MTTP: variants seen among roughly 807,000 people sequenced by gnomAD.
The protein encoded by MTTP is microsomal triglyceride transfer protein.
A neutral mutation model predicts 90.6 loss-of-function variants in MTTP; 49 were observed. The observed-to-expected ratio is 0.54, with a 90% CI of 0.43 to 0.69. MTTP has a LOEUF of 0.69. Ranked by LOEUF, MTTP falls within the 30% of genes least tolerant of loss-of-function variation. MTTP has a pLI of 0.00. For synonymous variants in MTTP, 347 were observed against 384.2 expected, an observed-to-expected ratio of 0.90 and a Z score of 1.13; for missense variants, 945 against 1,067.5, an observed-to-expected ratio of 0.89 and a Z score of 1.60.
At chr4:99,564,339 T>C in intron 1 of MTTP, 1 of 1,094,042 alleles carries the variant, frequency 9.1e-7, no homozygotes, top group East Asian at 2.6e-5. Context: ...GAGAAAAACA[T>C]CTCTTGCCTA....
intron 17 of MTTP, among the ~76,000 whole-genome samples, chr4:99,622,414 C>T (rs1003312123): frequency 5.3e-5 from 8 of 152,132 alleles, no homozygotes; most frequent in Non-Finnish European, 1.0e-4. Flanking sequence ...AATGGCATCA[C>T]CAAAAAGCTG....
rs1170313189 is a variant in MTTP, at chr4:99,613,085, C to T, written c.2162C>T (p.Ser721Phe). The T allele has an allele frequency of 1.9e-6, 3 of 1,613,964 alleles. No individual in the cohort carries two copies. The highest frequency in any genetic ancestry group is 1.7e-6 in the Non-Finnish European group (2 of 1,179,964). The change falls in exon 15 of 18, where the codon TCT becomes TTT. Residue 721 changes from serine (S) to phenylalanine (F), a missense_variant. Ser to Phe is a radical substitution (Grantham distance 155). Transcript: ENST00000265517. ...SDLMSKMLSA[S>F]GDPISVVKGL... ...TTGATGTCCAAAATGCTGTCAGCAT[C>T]TGGCGACCCTATCAGTGTGGTGAAA...
intron 15 of MTTP, among the ~76,000 whole-genome samples, chr4:99,617,569 G>C (rs1726128316): frequency 6.6e-6 from 1 of 152,084 alleles, no homozygotes; most frequent in African/African-American, 2.4e-5. Context: ...CGGTTGCCAG[G>C]AATTTAAGAT....
chr4:99,593,844 C>A (rs528137239), intron 6 of MTTP, among the ~76,000 whole-genome samples: 7 of 152,080 alleles, frequency 4.6e-5, no homozygotes, highest in Non-Finnish European at 8.8e-5. Context: ...ACTTATCAGG[C>A]CTATGAGATT....
At position 99,590,716 on chromosome 4, in the gene MTTP, A is replaced by G. The variant is rs561528920; in HGVS notation, c.502-519A>G. 3.0e-4 allele frequency among the ~76,000 whole-genome samples: 45 copies of G among 152,258 alleles called. 1 individual carries two copies. Among genetic ancestry groups the G allele is most frequent in the African/African-American group, 1.1e-3 (45 of 41,572 alleles). ...GAAGCTAGACAGAGTCTGTATTGGG[A>G]TACATTTGCCTAAACTCAAACTGAT... On this transcript the variant is annotated intron_variant, in intron 4 of 17. Transcript: ENST00000265517.
rs1188107071 is a variant in MTTP at position 99,597,230 on chromosome 4, T to A, written c.1067+6T>A. On this transcript the variant is annotated splice_donor_region_variant and intron_variant, in intron 8 of 17. Transcript: ENST00000265517. ...ATGGAAAATAAGGAAGTATTGTAAGTTCCCCAACCTTTGTGTGGGGTTGTC... is the reference window on the plus strand; with the variant it reads ...ATGGAAAATAAGGAAGTATTGTAAGATCCCCAACCTTTGTGTGGGGTTGTC... The A allele has an allele frequency of 6.2e-7, 1 of 1,612,246 alleles. No individual in the cohort carries two copies. Among genetic ancestry groups the A allele is most frequent in the Admixed American group, 1.7e-5 (1 of 59,978 alleles).
Position 99,611,323 on chromosome 4 carries a change from T to C in MTTP, c.1868-9T>C, listed in dbSNP as rs371847258. On this transcript the variant is annotated splice_polypyrimidine_tract_variant and intron_variant, in intron 13 of 17. Transcript: ENST00000265517. ...CTGCTATTAAATTACAGTTATTGTG[T>C]GTCATCAGGTAGTCCCCGTTCGGCA... 9.3e-6 allele frequency: 15 copies of C among 1,614,066 alleles called. No individual in the cohort carries two copies. The highest frequency in any genetic ancestry group is 4.4e-5 in the South Asian group (4 of 91,078).
intron 1 of MTTP, among the ~76,000 whole-genome samples, chr4:99,566,917 C>T (rs1327194317): frequency 6.6e-6 from 1 of 151,266 alleles, no homozygotes; most frequent in African/African-American, 2.4e-5. Flanking sequence ...AAGCTTAATT[C>T]TAAGTCTTAG....
At chr4:99,575,825 A>G (rs559794330) in intron 1 of MTTP, among the ~76,000 whole-genome samples, 1 of 152,366 alleles carries the variant, frequency 6.6e-6, no homozygotes, top group African/African-American at 2.4e-5. Flanking sequence ...ACCAATTGAT[A>G]TAACAACATA....
intron 2 of MTTP, 68 bp from the exon 3 acceptor site, chr4:99,583,306 T>G: frequency 1.3e-6 from 2 of 1,518,362 alleles, no homozygotes; most frequent in Non-Finnish European, 1.8e-6. Context: ...TCATTTTATT[T>G]TCAGAGATAC....
At chr4:99,616,109 C>A (rs1726093356) in intron 15 of MTTP, among the ~76,000 whole-genome samples, 1 of 152,026 alleles carries the variant, frequency 6.6e-6, no homozygotes, top group Admixed American at 6.6e-5. Flanking sequence ...AAGTCTTCAC[C>A]CAGGCCAGGT....
At chr4:99,611,892 C>A (rs1166219175) in intron 14 of MTTP, among the ~76,000 whole-genome samples, 1 of 151,944 alleles carries the variant, frequency 6.6e-6, no homozygotes, top group Non-Finnish European at 1.5e-5. Flanking sequence ...ATAATAAAAC[C>A]CTTCATAATA....
At position 99,597,710 on chromosome 4, in the gene MTTP, G is replaced by A. The variant is rs1054838146; in HGVS notation, c.1067+486G>A. Reference sequence around the variant, plus strand: ...TATGTAAAAAATTGAGAACTGAGGCGAATGGTGAAAAGAATCTGGAGAAAA... The same window carrying A: ...TATGTAAAAAATTGAGAACTGAGGCAAATGGTGAAAAGAATCTGGAGAAAA... On this transcript the variant is annotated intron_variant, in intron 8 of 17. Coordinates refer to ENST00000265517, the MANE Select transcript of MTTP (RefSeq NM_001386140.1). Among the ~76,000 whole-genome samples, 6 of 152,294 alleles carry A rather than the reference G, an allele frequency of 3.9e-5. 1 individual carries two copies. The highest frequency in any genetic ancestry group is 4.8e-5 in the African/African-American group (2 of 41,556).
chr4:99,564,169 T>A, exon 1 of MTTP: 1 of 1,535,514 alleles, frequency 6.5e-7, no homozygotes, highest in Non-Finnish European at 8.7e-7. Context: ...GTAGTTACAG[T>A]GATGTCTGTT....
rs1235583687 is a variant in MTTP at position 99,581,903 on chromosome 4, A to G, written c.62-2A>G. 1 of 1,614,006 alleles carries G rather than the reference A, an allele frequency of 6.2e-7. No individual in the cohort carries two copies. Among genetic ancestry groups the G allele is most frequent in the Admixed American group, 1.7e-5 (1 of 60,028 alleles). On this transcript the variant is annotated splice_acceptor_variant, in intron 1 of 17. Coordinates refer to ENST00000265517, the MANE Select transcript of MTTP (RefSeq NM_001386140.1). LOFTEE classifies it high-confidence loss of function. ...TGGATATGTGTCATTATCTTTATGCAGGTCACACAACTGGTCTCTCATTAA... is the reference window on the plus strand; with the variant it reads ...TGGATATGTGTCATTATCTTTATGCGGGTCACACAACTGGTCTCTCATTAA...
chr4:99,596,453 G>A (rs17029211), intron 7 of MTTP, among the ~76,000 whole-genome samples: 10,326 of 152,030 alleles, frequency 0.068, 565 homozygotes, highest in African/African-American at 0.15. Flanking sequence ...TTTTAAAACC[G>A]CAATAGAATA....
chr4:99,579,311 G>A (rs7698617), intron 1 of MTTP, among the ~76,000 whole-genome samples: 2,522 of 152,208 alleles, frequency 0.017, 24 homozygotes, highest in African/African-American at 0.033. Flanking sequence ...CCACCCATAG[G>A]TACCTCCTTT....
At chr4:99,578,188 A>G (rs1360888766) in intron 1 of MTTP, among the ~76,000 whole-genome samples, 1 of 152,200 alleles carries the variant, frequency 6.6e-6, no homozygotes, top group East Asian at 1.9e-4. Context: ...AAGATTCAAA[A>G]CTAACAGTTT....
chr4:99,596,167 C>T (rs12509976), intron 7 of MTTP, among the ~76,000 whole-genome samples: 11,615 of 151,720 alleles, frequency 0.077, 731 homozygotes, highest in East Asian at 0.19. Context: ...GATTACATAG[C>T]TAAAAGGCAC....
Sources: allele counts gnomAD v4.1 joint callset (sites outside exome capture counted in the v4.1 genomes callset), GRCh38; gene constraint gnomAD v4.1.1; transcripts MANE v1.5; gene names NCBI Gene and HGNC (gene_info 2026-07-23, HGNC 2026-07-21).